The following SNX14 variants were observed in gnomAD, a reference collection of about 807,000 sequenced individuals.
SNX14 encodes the protein sorting nexin-14.
A neutral mutation model predicts 133.8 loss-of-function variants in SNX14; 93 were observed. That is an observed-to-expected ratio of 0.70 (90% confidence interval 0.59 to 0.83). SNX14 has a LOEUF of 0.83. Ranked by LOEUF, SNX14 falls within the 40% of genes least tolerant of loss-of-function variation. SNX14 has a pLI of 0.00. For missense variants in SNX14, 945 were observed against 1,094.9 expected, an observed-to-expected ratio of 0.86 and a Z score of 1.93; for synonymous variants, 368 against 365.6, an observed-to-expected ratio of 1.01 and a Z score of -0.07.
At chr6:85,508,239 T>A in intron 26 of SNX14, 180 bp from the exon 27 acceptor site, 1 of 1,283,574 alleles carries the variant, frequency 7.8e-7, no homozygotes, top group Non-Finnish European at 9.9e-7. Flanking sequence ...ATGGTCAAGT[T>A]GACAAATGCA....
intron 15 of SNX14, 126 bp from the exon 16 acceptor site, chr6:85,538,990 A>G (rs186246341): frequency 4.5e-6 from 3 of 667,626 alleles, no homozygotes; most frequent in East Asian, 6.3e-5. Context: ...GGTGTATAAC[A>G]TTCATTTTTG....
rs370694383 is a variant in SNX14 at position 85,545,819 on chromosome 6, G to A, written c.1108+1293C>T. Among the ~76,000 whole-genome samples, 274 of 152,220 alleles carry A rather than the reference G, an allele frequency of 1.8e-3. 2 individuals are homozygous for A. The highest frequency in any genetic ancestry group is 5.2e-3 in the African/African-American group (218 of 41,530). On this transcript the variant is annotated intron_variant, in intron 12 of 28. Coordinates refer to ENST00000314673, the MANE Select transcript of SNX14 (RefSeq NM_153816.6). ...CTGCCTCAGCCTCCTGAGTAGCTGC[G>A]ATTACAGGCATGAGCCAACACGCCC... is the stretch of plus-strand genomic sequence containing the variant.
At chr6:85,508,278 A>C in intron 26 of SNX14, 1 of 1,172,452 alleles carries the variant, frequency 8.5e-7, no homozygotes, top group Admixed American at 4.4e-5. Context: ...TTGGAGATTC[A>C]CAATGCACAA....
intron 26 of SNX14, 79 bp from the exon 27 acceptor site, chr6:85,508,138 C>T (rs1771391165): frequency 6.6e-7 from 1 of 1,506,000 alleles, no homozygotes; most frequent in Non-Finnish European, 8.9e-7. Flanking sequence ...AGCAAAATCA[C>T]CACCCTGTTT....
At chr6:85,526,301 T>C (rs1562232272) in intron 20 of SNX14, 64 bp from the exon 21 acceptor site, 1 of 956,270 alleles carries the variant, frequency 1.0e-6, no homozygotes, top group South Asian at 1.6e-5. Flanking sequence ...CAAAACTGTA[T>C]TTTAATTTCT....
At chr6:85,533,100 G>A (rs1246743005) in intron 18 of SNX14, among the ~76,000 whole-genome samples, 20 of 152,040 alleles carry the variant, frequency 1.3e-4, no homozygotes, top group Admixed American at 1.3e-4. Flanking sequence ...TGGGCCAGGC[G>A]GGTCTCAAAC....
chr6:85,553,278 GAA>G (rs1189375716), intron 7 of SNX14, among the ~76,000 whole-genome samples: 3 of 152,152 alleles, frequency 2.0e-5, no homozygotes, highest in African/African-American at 7.2e-5. Context: ...GATTAGCAAA[GAA>G]CATAGTTTTT....
chr6:85,534,975 CAT>C (rs915936713), intron 17 of SNX14, among the ~76,000 whole-genome samples: 1 of 147,624 alleles, frequency 6.8e-6, no homozygotes, highest in African/African-American at 2.5e-5. Context: ...AATTAGAAAA[CAT>C]AAACATTATT....
intron 2 of SNX14, 28 bp from the exon 3 acceptor site, chr6:85,572,402 G>T (rs1338219455): frequency 5.9e-6 from 9 of 1,517,650 alleles, no homozygotes; most frequent in Non-Finnish European, 8.1e-6. Flanking sequence ...GAGGTGGTGG[G>T]GAGATCCATC....
At chr6:85,557,495 A>C (rs551934333) in intron 7 of SNX14, among the ~76,000 whole-genome samples, 1 of 152,350 alleles carries the variant, frequency 6.6e-6, no homozygotes, top group Non-Finnish European at 1.5e-5. Flanking sequence ...GCCAAAGCAT[A>C]ATATAGTGAA....
At position 85,545,722 on chromosome 6, in the gene SNX14, C is replaced by T. The variant is rs1014186346; in HGVS notation, c.1108+1390G>A. Among the ~76,000 whole-genome samples, 10 of 152,312 alleles carry T rather than the reference C, an allele frequency of 6.6e-5. No homozygotes were observed. The East Asian group carries it at 1.5e-3, about 23-fold the overall frequency. On this transcript the variant is annotated intron_variant, in intron 12 of 28. Coordinates refer to ENST00000314673, the MANE Select transcript of SNX14 (RefSeq NM_153816.6). ...TTTTTGAGACAGAGTCTCACTCTGT[C>T]ACCCAGGCTGGAGTGCAGTGGCATG...
chr6:85,532,570 C>CT (rs913499775), intron 18 of SNX14, among the ~76,000 whole-genome samples: 2 of 152,196 alleles, frequency 1.3e-5, no homozygotes, highest in Non-Finnish European at 2.9e-5. Context: ...AACATTGCCA[C>CT]TTTTTTTCCT....
intron 18 of SNX14, 118 bp downstream of exon 18, chr6:85,533,479 TTC>T (rs1365384658): frequency 2.2e-6 from 2 of 902,074 alleles, no homozygotes; most frequent in Non-Finnish European, 3.3e-6. Context: ...TTCTGGACAC[TTC>T]TCTTTTGGAT....
Position 85,548,363 on chromosome 6 carries a change from G to A in SNX14, c.805C>T (p.Leu269Phe). 1 of 1,603,090 alleles carries A rather than the reference G, an allele frequency of 6.2e-7. No individual in the cohort carries two copies. The highest frequency in any genetic ancestry group is 2.2e-5 in the East Asian group (1 of 44,670). The part of the protein sequence containing the change: ...KATDCRSLTL[L>F]IREILSGSVF... ...GAGCCAGACAGAATCTCTCTTATAA[G>A]TAAGGTCAGAGATCTGGAAAAAGAA... is the stretch of plus-strand genomic sequence containing the variant. The change falls in exon 9 of 29, where the codon CTT becomes TTT. Residue 269 changes from leucine (L) to phenylalanine (F), a missense_variant. Around this residue, in one of 3 missense-constraint regions of SNX14, gnomAD observed 514 missense variants for 538.8 expected, o/e 0.95. Coordinates refer to ENST00000314673, the MANE Select transcript of SNX14 (RefSeq NM_153816.6).
chr6:85,553,968 G>A (rs1161504200), intron 7 of SNX14, among the ~76,000 whole-genome samples: 1 of 152,038 alleles, frequency 6.6e-6, no homozygotes. Context: ...AAAATCCAAG[G>A]TGATAAGAAA....
intron 21 of SNX14, among the ~76,000 whole-genome samples, 186 bp downstream of exon 21, chr6:85,525,940 A>T (rs1292750468): frequency 6.6e-6 from 1 of 152,204 alleles, no homozygotes; most frequent in Non-Finnish European, 1.5e-5. Flanking sequence ...GCTAGAAGTG[A>T]CTGCTTAAAT....
At chr6:85,511,187 G>A (rs568297509) in intron 26 of SNX14, among the ~76,000 whole-genome samples, 3 of 115,874 alleles carry the variant, frequency 2.6e-5, no homozygotes, top group Non-Finnish European at 4.2e-5. Context: ...AATGCAAATA[G>A]TATTTTTTTT....
chr6:85,514,546 C>G lies in SNX14; in HGVS notation c.2352G>C (p.Val784=). The change falls in exon 24 of 29, where the codon GTG becomes GTC. Residue 784 remains valine (V), a synonymous_variant. Transcript: ENST00000314673. The part of the protein sequence containing the change: ...RKQNQNYFME[V]MTVEGVYDYL... The stretch of plus-strand genomic sequence containing the variant: ...AATCATAGACTCCTTCTACAGTCAT[C>G]ACCTCCATAAAATAATTCTGATTTT... 1 of 1,613,416 alleles carries G rather than the reference C, an allele frequency of 6.2e-7. No individual in the cohort carries two copies. Among genetic ancestry groups the G allele is most frequent in the Non-Finnish European group, 8.5e-7 (1 of 1,179,732 alleles).
chr6:85,589,914 A>G (rs1802274780), intron 1 of SNX14, among the ~76,000 whole-genome samples: 1 of 152,194 alleles, frequency 6.6e-6, no homozygotes, highest in South Asian at 2.1e-4. Flanking sequence ...ATAGAGTACC[A>G]TGTGTAATGC....
Sources: allele counts gnomAD v4.1 joint callset (sites outside exome capture counted in the v4.1 genomes callset), GRCh38; gene constraint gnomAD v4.1.1; regional missense constraint gnomAD v4.1.1; transcripts MANE v1.5; gene names NCBI Gene and HGNC (gene_info 2026-07-23, HGNC 2026-07-21).